Variants in NKAIN2 observed in about 807,000 individuals in gnomAD.
The protein encoded by NKAIN2 is sodium/potassium-transporting ATPase subunit beta-1-interacting protein 2.
NKAIN2 carries 14 observed loss-of-function variants against 32.6 expected under a neutral mutation model. That is an observed-to-expected ratio of 0.43 (90% CI 0.28 to 0.67). The LOEUF is 0.67. NKAIN2 is among the 30% of genes least tolerant of loss of function. NKAIN2 has a pLI of 0.17. For synonymous variants in NKAIN2, 80 were observed against 87.2 expected, an observed-to-expected ratio of 0.92 and a Z score of 0.46; for missense variants, 198 against 258.3, an observed-to-expected ratio of 0.77 and a Z score of 1.60.
chr6:123,968,792 A>T (rs549002154), intron 1 of NKAIN2, among the ~76,000 whole-genome samples: 20 of 152,276 alleles, frequency 1.3e-4, no homozygotes, highest in Admixed American at 1.3e-3. Context: ...TTAATTGTGA[A>T]CTCAAGGGTT....
At chr6:124,372,233 A>G (rs1799801235) in intron 3 of NKAIN2, among the ~76,000 whole-genome samples, 1 of 152,142 alleles carries the variant, frequency 6.6e-6, no homozygotes, top group African/African-American at 2.4e-5. Flanking sequence ...TTATAATCTA[A>G]ATATTTCATC....
intron 1 of NKAIN2, among the ~76,000 whole-genome samples, chr6:124,238,365 AAG>A (rs1193331291): frequency 6.6e-6 from 1 of 152,132 alleles, no homozygotes; most frequent in Admixed American, 6.6e-5. Flanking sequence ...AAGTAGGAAA[AAG>A]AGAAACAAGG....
chr6:124,340,805 T>G (rs1026461587), intron 2 of NKAIN2, among the ~76,000 whole-genome samples: 3 of 152,196 alleles, frequency 2.0e-5, no homozygotes, highest in Non-Finnish European at 4.4e-5. Context: ...TTAAAGACGC[T>G]TCAGTGGCAT....
chr6:123,828,030 T>A (rs1270089929), intron 1 of NKAIN2, among the ~76,000 whole-genome samples: 1 of 152,090 alleles, frequency 6.6e-6, no homozygotes, highest in Non-Finnish European at 1.5e-5. Context: ...TTGCCTTTGG[T>A]TTTCCTTTTC....
At chr6:124,804,878 G>C (rs1466630195) in intron 5 of NKAIN2, among the ~76,000 whole-genome samples, 2 of 152,216 alleles carry the variant, frequency 1.3e-5, no homozygotes, top group Non-Finnish European at 2.9e-5. Context: ...TGCCCACGGA[G>C]TCTCACTGAT....
chr6:124,516,088 C>T (rs1022073698), intron 3 of NKAIN2, among the ~76,000 whole-genome samples: 1 of 152,048 alleles, frequency 6.6e-6, no homozygotes, highest in East Asian at 1.9e-4. Flanking sequence ...GCAAAACATC[C>T]AAAAATCTTG....
chr6:123,910,141 C>T (rs546036739), intron 1 of NKAIN2, among the ~76,000 whole-genome samples: 54 of 152,230 alleles, frequency 3.5e-4, no homozygotes, highest in African/African-American at 1.3e-3. Context: ...CTTCCACTTC[C>T]CAGCTGTGCA....
Position 124,411,052 on chromosome 6 carries a change from C to T in NKAIN2, c.273+55705C>T, listed in dbSNP as rs1251040679. On this transcript the variant is annotated intron_variant, in intron 3 of 6. Transcript: ENST00000368417. ...TTGCTTGGTAGATCTTCCTCCATCC[C>T]TTTATTTTGAGCCTATGTGTGTCTC... Among the ~76,000 whole-genome samples the T allele has an allele frequency of 5.3e-5, 8 of 151,450 alleles. No individual in the cohort carries two copies. The South Asian group carries it at 6.3e-4, about 12-fold the overall frequency.
intron 4 of NKAIN2, among the ~76,000 whole-genome samples, chr6:124,766,780 CAG>C (rs775787297): frequency 6.6e-6 from 1 of 152,106 alleles, no homozygotes; most frequent in Non-Finnish European, 1.5e-5. Context: ...AGAATTATAA[CAG>C]AATGAAGAGT....
chr6:124,816,442 G>A (rs1271467187), intron 5 of NKAIN2, among the ~76,000 whole-genome samples: 1 of 152,116 alleles, frequency 6.6e-6, no homozygotes, highest in Non-Finnish European at 1.5e-5. Context: ...TGATGATGAT[G>A]TGTCAATGTA....
intron 3 of NKAIN2, among the ~76,000 whole-genome samples, chr6:124,396,427 T>C (rs964969154): frequency 2.4e-5 from 3 of 125,430 alleles, no homozygotes; most frequent in Non-Finnish European, 4.9e-5. Flanking sequence ...TGCTATTTGA[T>C]TAAAAAAAAA....
At chr6:124,241,432 C>T (rs1265667419) in intron 1 of NKAIN2, among the ~76,000 whole-genome samples, 2 of 152,082 alleles carry the variant, frequency 1.3e-5, no homozygotes, top group East Asian at 3.9e-4. Flanking sequence ...CCCATATAGC[C>T]AAGACAATCC....
intron 1 of NKAIN2, among the ~76,000 whole-genome samples, chr6:124,061,705 T>G (rs1312164586): frequency 6.6e-6 from 1 of 151,988 alleles, no homozygotes; most frequent in Non-Finnish European, 1.5e-5. Flanking sequence ...GTACTCATAC[T>G]GCTTAGCAAC....
At chr6:124,319,149 C>T (rs1669619404) in intron 2 of NKAIN2, among the ~76,000 whole-genome samples, 1 of 151,868 alleles carries the variant, frequency 6.6e-6, no homozygotes, top group Admixed American at 6.6e-5. Flanking sequence ...CTCAGTAAAC[C>T]CATTTTACAA....
chr6:124,046,981 C>G (rs1782169177), intron 1 of NKAIN2, among the ~76,000 whole-genome samples: 1 of 152,012 alleles, frequency 6.6e-6, no homozygotes, highest in South Asian at 2.1e-4. Context: ...ATATCTTAAG[C>G]TATCAAAAAT....
intron 4 of NKAIN2, among the ~76,000 whole-genome samples, chr6:124,772,184 C>A (rs1179806194): frequency 6.6e-6 from 1 of 152,152 alleles, no homozygotes; most frequent in Non-Finnish European, 1.5e-5. Flanking sequence ...CTCTGCCAGA[C>A]TGAGGCAGTG....
rs1034419131 is a variant in NKAIN2 at position 124,731,025 on chromosome 6, C to T, written c.475-60314C>T. Among the ~76,000 whole-genome samples the T allele has an allele frequency of 3.7e-3, 538 of 145,550 alleles. 5 individuals are homozygous for T. The highest frequency in any genetic ancestry group is 0.013 in the African/African-American group (512 of 39,214). On this transcript the variant is annotated intron_variant, in intron 4 of 6. Transcript: ENST00000368417. ...ACCACAATGAGATACCATCTCACAC[C>T]AGGTAGAATGGCAATCATTAAAAAG... is the stretch of plus-strand genomic sequence containing the variant.
rs142038022 is a variant in NKAIN2 at position 124,538,278 on chromosome 6, A to G, written c.274-119908A>G. On this transcript the variant is annotated intron_variant, in intron 3 of 6. Transcript: ENST00000368417. ...AAGTATCTGTAGGGAAGACTACCTT[A>G]GTTATTTTCTGAGGGTGTCTTTATT... Among the ~76,000 whole-genome samples, 283 of 151,950 alleles carry G rather than the reference A, an allele frequency of 1.9e-3. 1 individual carries two copies. The highest frequency in any genetic ancestry group is 6.5e-3 in the African/African-American group (270 of 41,488).
chr6:124,417,168 A>C, intron 3 of NKAIN2, among the ~76,000 whole-genome samples: 1 of 152,366 alleles, frequency 6.6e-6, no homozygotes, highest in South Asian at 2.1e-4. Flanking sequence ...GATTTGACAA[A>C]GATTTTAAAA....
Sources: allele counts gnomAD v4.1 joint callset (sites outside exome capture counted in the v4.1 genomes callset), GRCh38; gene constraint gnomAD v4.1.1; transcripts MANE v1.5; gene names NCBI Gene and HGNC (gene_info 2026-07-23, HGNC 2026-07-21).